AGAP1: variants seen among roughly 807,000 people sequenced by gnomAD.
AGAP1 encodes ArfGAP with GTPase domain, ankyrin repeat and PH domain 1.
Under a neutral mutation model 105.3 loss-of-function variants are expected in AGAP1, and 29 were observed. The observed-to-expected ratio is 0.28, with a 90% confidence interval of 0.21 to 0.38. The LOEUF is 0.38. Among genes scored for constraint, AGAP1 ranks in the 10% least tolerant of loss-of-function variants. The pLI, the probability that AGAP1 is intolerant of heterozygous loss-of-function variation, is 1.00. For synonymous variants in AGAP1, 509 were observed against 485.9 expected, an observed-to-expected ratio of 1.05 and a Z score of -0.63; for missense variants, 998 against 1,165.1, an observed-to-expected ratio of 0.86 and a Z score of 2.09.
chr2:235,791,964 G>A (rs1400659533), intron 6 of AGAP1, among the ~76,000 whole-genome samples: 6 of 152,164 alleles, frequency 3.9e-5, no homozygotes, highest in East Asian at 1.9e-4. Flanking sequence ...AAATATTTTC[G>A]TGGAGTAAAA....
intron 6 of AGAP1, among the ~76,000 whole-genome samples, chr2:235,780,754 C>T (rs984665510): frequency 6.6e-6 from 1 of 152,170 alleles, no homozygotes; most frequent in African/African-American, 2.4e-5. Flanking sequence ...TTTAGATTTG[C>T]TTCTGAACAT....
At chr2:236,063,833 C>G (rs913686652) in intron 16 of AGAP1, among the ~76,000 whole-genome samples, 1 of 152,176 alleles carries the variant, frequency 6.6e-6, no homozygotes, top group Non-Finnish European at 1.5e-5. Context: ...AATTAAATGT[C>G]ATTTATAACT....
rs893944844 is a variant in AGAP1 at position 235,569,272 on chromosome 2, G to A, written c.163+74423G>A. 2.0e-5 allele frequency among the ~76,000 whole-genome samples: 3 copies of A among 152,226 alleles called. No individual in the cohort carries two copies. Among genetic ancestry groups the A allele is most frequent in the South Asian group, 2.1e-4 (1 of 4,818 alleles). On this transcript the variant is annotated intron_variant, in intron 1 of 17. Transcript: ENST00000304032. The surrounding 1 kb of genome is among the most constrained non-coding windows in gnomAD (Gnocchi z 5.9). ...GGAGGTTGTAGTGACCCAAGATCAC[G>A]CCATTGCACTCCAGCCTGGGCGACA...
At chr2:235,921,414 G>C (rs758525511) in intron 11 of AGAP1, among the ~76,000 whole-genome samples, 2 of 152,202 alleles carry the variant, frequency 1.3e-5, no homozygotes, top group African/African-American at 4.8e-5. Context: ...GGTGGATTTA[G>C]TTTACATTAT....
At chr2:235,841,404 G>A (rs536173353) in intron 9 of AGAP1, among the ~76,000 whole-genome samples, 1 of 152,260 alleles carries the variant, frequency 6.6e-6, no homozygotes, top group East Asian at 1.9e-4. Flanking sequence ...CAAGGCGAGT[G>A]GATCCCTTGA....
rs2059312044 is a variant in AGAP1 at position 236,100,220 on chromosome 2, C to T, written c.2115-19972C>T. 2.6e-5 allele frequency among the ~76,000 whole-genome samples: 4 copies of T among 152,240 alleles called. No homozygotes were observed. In the South Asian group the frequency reaches 8.3e-4, roughly 32 times the overall value. On this transcript the variant is annotated intron_variant, in intron 16 of 17. Coordinates refer to ENST00000304032, the MANE Select transcript of AGAP1 (RefSeq NM_001037131.3). ...GTTCCTTTCTCACCAAGAAGCTCAG[C>T]AGAGAGTTTTGATTTTGCATTATCA... is the stretch of plus-strand genomic sequence containing the variant.
At chr2:235,856,583 C>G (rs957436503) in intron 9 of AGAP1, among the ~76,000 whole-genome samples, 3 of 152,236 alleles carry the variant, frequency 2.0e-5, no homozygotes, top group African/African-American at 7.2e-5. Flanking sequence ...GTGAGCAGCT[C>G]TGTGTGGACC....
rs534178440 is a variant in AGAP1, at chr2:236,023,310, C to T, written c.1646-13251C>T. 4.1e-4 allele frequency among the ~76,000 whole-genome samples: 62 copies of T among 152,228 alleles called. 1 individual carries two copies. In the South Asian group the frequency reaches 0.013, roughly 32 times the overall value. On this transcript the variant is annotated intron_variant, in intron 13 of 17. Transcript: ENST00000304032. ...ATCCCGGGTCCAGCCTGGCACCTCC[C>T]TTGCAGATAAAGCTGAGATCAGAAA...
rs1274194748 is a variant in AGAP1, at chr2:235,875,001, A to G, written c.1051-8344A>G. 6.6e-6 allele frequency among the ~76,000 whole-genome samples: 1 copy of G among 152,232 alleles called. No individual in the cohort carries two copies. Among genetic ancestry groups the G allele is most frequent in the Non-Finnish European group, 1.5e-5 (1 of 68,040 alleles). ...GAAACAGCTCTCCCAAACGTGGGCAAAAAAAGAAACTAGAACTGGTTGAAG... is the reference window on the plus strand; with the variant it reads ...GAAACAGCTCTCCCAAACGTGGGCAGAAAAAGAAACTAGAACTGGTTGAAG... On this transcript the variant is annotated intron_variant, in intron 9 of 17. Coordinates refer to ENST00000304032, the MANE Select transcript of AGAP1 (RefSeq NM_001037131.3). The surrounding 1 kb of genome is among the most constrained non-coding windows in gnomAD (Gnocchi z 4.0).
chr2:236,113,536 C>T lies in AGAP1; in HGVS notation c.2115-6656C>T, dbSNP rs1233261287. ...ATCCTTAAGCCCACACTAAGTGCTCCGGTTACATGGAGATTACACCTTGCC... is the reference window on the plus strand; with the variant it reads ...ATCCTTAAGCCCACACTAAGTGCTCTGGTTACATGGAGATTACACCTTGCC... On this transcript the variant is annotated intron_variant, in intron 16 of 17. Coordinates refer to ENST00000304032, the MANE Select transcript of AGAP1 (RefSeq NM_001037131.3). The surrounding 1 kb of genome is among the most constrained non-coding windows in gnomAD (Gnocchi z 4.3). Among the ~76,000 whole-genome samples, 1 of 152,160 alleles carries T rather than the reference C, an allele frequency of 6.6e-6. No individual in the cohort carries two copies.
At chr2:235,666,026 A>G (rs1286148001) in intron 1 of AGAP1, among the ~76,000 whole-genome samples, 1 of 152,228 alleles carries the variant, frequency 6.6e-6, no homozygotes, top group African/African-American at 2.4e-5. Flanking sequence ...AGCATCTCAT[A>G]AACTTGGAAC....
intron 2 of AGAP1, among the ~76,000 whole-genome samples, chr2:235,710,474 G>A (rs1950795867): frequency 1.3e-5 from 2 of 152,114 alleles, no homozygotes; most frequent in African/African-American, 2.4e-5. Context: ...CATCAGCTGG[G>A]CCCATCTCCT....
intron 1 of AGAP1, among the ~76,000 whole-genome samples, chr2:235,678,851 C>T (rs898340021): frequency 1.3e-5 from 2 of 151,984 alleles, no homozygotes; most frequent in African/African-American, 4.8e-5. Context: ...CCCACTCCCG[C>T]TCTCCTGCCT....
intron 13 of AGAP1, among the ~76,000 whole-genome samples, chr2:236,029,468 T>C (rs1220633756): frequency 2.0e-5 from 3 of 148,416 alleles, no homozygotes; most frequent in Non-Finnish European, 4.5e-5. Context: ...GGTATTTTAG[T>C]AGAGATGGGG....
intron 12 of AGAP1, among the ~76,000 whole-genome samples, chr2:235,933,249 T>C (rs1455678265): frequency 6.6e-6 from 1 of 152,054 alleles, no homozygotes; most frequent in Non-Finnish European, 1.5e-5. Flanking sequence ...GAAGTTATTA[T>C]AAGCATTGGG....
intron 16 of AGAP1, among the ~76,000 whole-genome samples, chr2:236,065,363 G>A (rs929619149): frequency 5.3e-5 from 8 of 152,314 alleles, no homozygotes; most frequent in African/African-American, 1.7e-4. Context: ...CTCTGCATTC[G>A]ACTGGATGCA....
At chr2:235,684,531 GC>G (rs1191433145) in intron 1 of AGAP1, among the ~76,000 whole-genome samples, 1 of 152,190 alleles carries the variant, frequency 6.6e-6, no homozygotes, top group Non-Finnish European at 1.5e-5. Flanking sequence ...TTTGCCAGCT[GC>G]TTCTGGACTG....
chr2:235,866,465 G>A lies in AGAP1; in HGVS notation c.1051-16880G>A, dbSNP rs2049175917. 6.6e-6 allele frequency among the ~76,000 whole-genome samples: 1 copy of A among 152,190 alleles called. No homozygotes were observed. Among genetic ancestry groups the A allele is most frequent in the Admixed American group, 6.5e-5 (1 of 15,284 alleles). On this transcript the variant is annotated intron_variant, in intron 9 of 17. Transcript: ENST00000304032. The surrounding 1 kb of genome is among the most constrained non-coding windows in gnomAD (Gnocchi z 6.1). ...GGGGAAGAGACAGCGGAAGTCCCCAGTGTGACACCAGGGCCTGTGGGGCGT... is the reference window on the plus strand; with the variant it reads ...GGGGAAGAGACAGCGGAAGTCCCCAATGTGACACCAGGGCCTGTGGGGCGT...
intron 6 of AGAP1, among the ~76,000 whole-genome samples, chr2:235,779,111 C>T (rs12463796): frequency 0.27 from 41,153 of 152,134 alleles, 5,883 homozygotes; most frequent in Admixed American, 0.4. Context: ...GCTCCCCACC[C>T]CTGTTAGGCA....
Sources: gnomAD v4.1 joint callset for allele counts (sites outside exome capture counted in the v4.1 genomes callset) on GRCh38, gnomAD v4.1.1 for gene constraint, Gnocchi (gnomAD v3.1) non-coding constraint, MANE v1.5 for transcripts, NCBI Gene and HGNC (gene_info 2026-07-23, HGNC 2026-07-21) for gene names.